FMN2: variants seen among roughly 807,000 people sequenced by gnomAD.
FMN2 encodes the protein formin-2.
FMN2 carries 51 observed loss-of-function variants against 142.3 expected under a neutral mutation model. The ratio of observed to expected loss-of-function variants is 0.36; its 90% confidence interval spans 0.29 to 0.45. The LOEUF (loss-of-function observed/expected upper bound fraction) is 0.45, where lower values mean the gene tolerates loss of function less well. Ranked by LOEUF, FMN2 falls within the 20% of genes least tolerant of loss-of-function variation. The pLI is 1.00. For missense variants in FMN2, 1,936 were observed against 2,122.8 expected (o/e 0.91, Z 1.73); for synonymous variants, 882 against 869.8 (o/e 1.01, Z -0.25).
intron 16 of FMN2, among the ~76,000 whole-genome samples, chr1:240,464,128 T>G (rs12064574): frequency 0.056 from 8,598 of 152,278 alleles, 803 homozygotes; most frequent in African/African-American, 0.2. Context: ...GGTGGCTTTT[T>G]GTGACTAAAC....
chr1:240,303,116 T>A (rs1558421963), intron 8 of FMN2, among the ~76,000 whole-genome samples: 1 of 152,192 alleles, frequency 6.6e-6, no homozygotes, highest in African/African-American at 2.4e-5. Context: ...CTGAGCCTTT[T>A]GTACCCTGAG....
At chr1:240,310,521 T>C (rs1670568682) in intron 8 of FMN2, among the ~76,000 whole-genome samples, 1 of 152,180 alleles carries the variant, frequency 6.6e-6, no homozygotes, top group Non-Finnish European at 1.5e-5. Flanking sequence ...TACTGAGGAA[T>C]TAAAACCTAG....
At chr1:240,247,656 G>T (rs1287176938) in intron 6 of FMN2, among the ~76,000 whole-genome samples, 2 of 152,082 alleles carry the variant, frequency 1.3e-5, no homozygotes, top group East Asian at 1.9e-4. Flanking sequence ...GGGTACTTGG[G>T]TATCAGTTTG....
At chr1:240,328,346 A>G (rs1671264392) in intron 8 of FMN2, among the ~76,000 whole-genome samples, 2 of 151,564 alleles carry the variant, frequency 1.3e-5, no homozygotes, top group Admixed American at 1.3e-4. Context: ...AATTACTTCC[A>G]AATTCAACTT....
At chr1:240,471,061 A>G (rs1676789873) in intron 16 of FMN2, among the ~76,000 whole-genome samples, 1 of 152,234 alleles carries the variant, frequency 6.6e-6, no homozygotes, top group African/African-American at 2.4e-5. Flanking sequence ...TACCGGTGTC[A>G]AATAGCAGAG....
intron 8 of FMN2, among the ~76,000 whole-genome samples, chr1:240,298,575 T>C (rs1446353125): frequency 2.0e-5 from 3 of 152,178 alleles, no homozygotes; most frequent in East Asian, 3.9e-4. Context: ...CATTACTGCC[T>C]GAGCTCCACT....
chr1:240,321,450 C>T (rs1670970076), intron 8 of FMN2, among the ~76,000 whole-genome samples: 1 of 152,044 alleles, frequency 6.6e-6, no homozygotes, highest in African/African-American at 2.4e-5. Context: ...TTTAGTAATC[C>T]AAAATGACAT....
chr1:240,184,133 T>A (rs1215620529), intron 3 of FMN2, among the ~76,000 whole-genome samples: 1 of 151,730 alleles, frequency 6.6e-6, no homozygotes, highest in African/African-American at 2.4e-5. Context: ...TATTTTGTGA[T>A]GGTAAAGAGG....
chr1:240,115,926 T>A (rs1662003505), intron 1 of FMN2, among the ~76,000 whole-genome samples: 1 of 152,134 alleles, frequency 6.6e-6, no homozygotes, highest in Non-Finnish European at 1.5e-5. Context: ...TTTTGGAAAA[T>A]GACAGGAGAT....
rs542209662 is a variant in FMN2 at position 240,123,086 on chromosome 1, C to T, written c.1616-93C>T. The T allele has an allele frequency of 5.7e-6, 8 of 1,396,866 alleles. No individual in the cohort carries two copies. The South Asian group carries it at 9.2e-5, about 16-fold the overall frequency. 86.5% of individuals were successfully genotyped at this position (1,396,866 alleles called of 1,614,324 possible). A position where few individuals can be genotyped will look rare whatever the true frequency, so the allele number is the denominator to read the frequency against. ...CAGTAGCCTTGGAAACGGTGTTGTT[C>T]CCTGGCAGTGTTTACCCAGCCGCTG... On this transcript the variant is annotated intron_variant, in intron 1 of 17. Transcript: ENST00000319653.
chr1:240,116,154 A>T (rs1373647656), intron 1 of FMN2, among the ~76,000 whole-genome samples: 2 of 152,038 alleles, frequency 1.3e-5, no homozygotes, highest in African/African-American at 4.8e-5. Flanking sequence ...CTTCTTTTTC[A>T]CATTCTGTGT....
chr1:240,355,990 A>C, intron 14 of FMN2, 82 bp downstream of exon 14: 1 of 807,764 alleles, frequency 1.2e-6, no homozygotes, highest in Non-Finnish European at 1.9e-6. Flanking sequence ...AAAAAAAGCT[A>C]CAAGGCATTG....
chr1:240,179,144 T>C (rs1665047691), intron 3 of FMN2, among the ~76,000 whole-genome samples: 1 of 152,214 alleles, frequency 6.6e-6, no homozygotes, highest in Non-Finnish European at 1.5e-5. Context: ...GGCATTTATA[T>C]GAAGCATTAG....
chr1:240,212,677 A>G (rs1666739102), intron 6 of FMN2, among the ~76,000 whole-genome samples: 2 of 152,214 alleles, frequency 1.3e-5, no homozygotes, highest in African/African-American at 4.8e-5. Flanking sequence ...TGGCAGAGAT[A>G]AATATTTAAA....
intron 7 of FMN2, among the ~76,000 whole-genome samples, chr1:240,273,838 C>T (rs527772755): frequency 6.6e-6 from 1 of 152,096 alleles, no homozygotes; most frequent in African/African-American, 2.4e-5. Flanking sequence ...CTCTCTATGC[C>T]AACTTCTGTG....
At chr1:240,219,471 G>C (rs1039721439) in intron 6 of FMN2, among the ~76,000 whole-genome samples, 1 of 151,982 alleles carries the variant, frequency 6.6e-6, no homozygotes, top group Non-Finnish European at 1.5e-5. Flanking sequence ...ACCAAACTTC[G>C]TGTGACCTAA....
intron 7 of FMN2, among the ~76,000 whole-genome samples, chr1:240,267,319 A>C (rs1319286594): frequency 6.6e-6 from 1 of 152,050 alleles, no homozygotes; most frequent in East Asian, 1.9e-4. Flanking sequence ...AAAAAATGAG[A>C]TCATGTCCTT....
At chr1:240,171,023 G>A (rs1435506497) in intron 2 of FMN2, 1 of 913,378 alleles carries the variant, frequency 1.1e-6, no homozygotes, top group Non-Finnish European at 1.8e-6. Flanking sequence ...TGTCAGCAGG[G>A]CTGGGGCGTC....
intron 8 of FMN2, among the ~76,000 whole-genome samples, chr1:240,297,335 C>T (rs1670020669): frequency 6.6e-6 from 1 of 151,946 alleles, no homozygotes; most frequent in Non-Finnish European, 1.5e-5. Flanking sequence ...GTGGCTCATG[C>T]CTGTAATCCT....
Sources: gnomAD v4.1 joint callset for allele counts (sites outside exome capture counted in the v4.1 genomes callset) on GRCh38, gnomAD v4.1.1 for gene constraint, MANE v1.5 for transcripts, NCBI Gene and HGNC (gene_info 2026-07-23, HGNC 2026-07-21) for gene names.